AGPAT2: variants seen among roughly 807,000 people sequenced by gnomAD.
AGPAT2 encodes the protein 1-acyl-sn-glycerol-3-phosphate acyltransferase beta.
AGPAT2 carries 18 observed loss-of-function variants against 26.1 expected under a neutral mutation model. That is an observed-to-expected ratio of 0.69 (90% CI 0.48 to 1.02). AGPAT2 has a LOEUF of 1.02. Among genes scored for constraint, AGPAT2 ranks in the 50% least tolerant of loss-of-function variants. AGPAT2 has a pLI of 0.00. For synonymous variants in AGPAT2, 200 were observed against 174.2 expected (o/e 1.15, Z -1.16); for missense variants, 415 against 394.9 (o/e 1.05, Z -0.43).
rs886063719 is a variant in AGPAT2, at chr9:136,673,398, G to A, written c.*354C>T. The A allele has an allele frequency of 6.6e-5, 13 of 198,354 alleles. No individual in the cohort carries two copies. The highest frequency in any genetic ancestry group is 1.7e-3 in the Middle Eastern group (1 of 572). 12.3% of individuals were successfully genotyped at this position (198,354 alleles called of 1,614,324 possible). A position where few individuals can be genotyped will look rare whatever the true frequency, so the allele number is the denominator to read the frequency against. ...TGAGCAGAGGGCTCGGACAGTGTGC[G>A]TCTGGCCTCGGGGTCCTCCCATCTG... On this transcript the variant is annotated 3_prime_UTR_variant, in exon 6 of 6. Coordinates refer to ENST00000371696, the MANE Select transcript of AGPAT2 (RefSeq NM_006412.4).
intron 1 of AGPAT2, among the ~76,000 whole-genome samples, chr9:136,683,603 G>A (rs534427792): frequency 1.6e-4 from 25 of 152,334 alleles, no homozygotes; most frequent in African/African-American, 4.8e-4. Context: ...ATAGGGGTGC[G>A]GGGTCCAGCC....
Position 136,676,609 on chromosome 9 carries a change from G to A in AGPAT2, c.564C>T (p.Ala188=), listed in dbSNP as rs764528984. 2.5e-6 allele frequency: 4 copies of A among 1,613,456 alleles called. No individual in the cohort carries two copies. Among genetic ancestry groups the A allele is most frequent in the Non-Finnish European group, 2.5e-6 (3 of 1,179,874 alleles). ...CCTGTGCCTGGACTGCCAGGTAGAA[G>A]GCGCCCTTCTTAAAAGGCAGCAGGT... The part of the protein sequence containing the change: ...NGDLLPFKKG[A]FYLAVQAQVP... Residue 188 remains alanine, a synonymous_variant, in exon 4 of 6, where the codon GCC becomes GCT. Coordinates refer to ENST00000371696, the MANE Select transcript of AGPAT2 (RefSeq NM_006412.4).
In AGPAT2 at chr9:136,676,699, C is replaced by A. The variant is rs779876104; in HGVS notation, c.493-19G>T. The stretch of plus-strand genomic sequence containing the variant: ...CTTTGAGCTGCAGGGAGAGGAGAGC[C>A]TGGACTGACCTCACGCCCAGGCCAC... On this transcript the variant is annotated intron_variant, in intron 3 of 5. Coordinates refer to ENST00000371696, the MANE Select transcript of AGPAT2 (RefSeq NM_006412.4). 5.6e-6 allele frequency: 9 copies of A among 1,609,662 alleles called. No homozygotes were observed. The highest frequency in any genetic ancestry group is 6.8e-6 in the Non-Finnish European group (8 of 1,176,814).
chr9:136,675,667 C>A (rs1049304151), intron 4 of AGPAT2, among the ~76,000 whole-genome samples: 1 of 152,090 alleles, frequency 6.6e-6, no homozygotes, highest in Non-Finnish European at 1.5e-5. Flanking sequence ...CCATCACAGC[C>A]GCCCGTCTCC....
chr9:136,674,741 T>G lies in AGPAT2; in HGVS notation c.655A>C (p.Thr219Pro). 1.3e-6 allele frequency: 2 copies of G among 1,498,886 alleles called. No individual in the cohort carries two copies. Among genetic ancestry groups the G allele is most frequent in the South Asian group, 1.4e-5 (1 of 74,028 alleles). 92.8% of individuals were successfully genotyped at this position (1,498,886 alleles called of 1,614,324 possible). Residue 219 changes from threonine (T) to proline (P), a missense_variant, in exon 5 of 6, where the codon ACT (threonine) becomes CCT (proline). Transcript: ENST00000371696. ...TGCACACATGTGGGGGTACCTGAAG[T>G]GAAGAACTTCTTCTTGGTGTTGTAG... ...SFYNTKKKFF[T>P]SGTVTVQVLE...
At chr9:136,676,395 G>C (rs1185574278) in intron 4 of AGPAT2, among the ~76,000 whole-genome samples, 190 bp downstream of exon 4, 2 of 152,254 alleles carry the variant, frequency 1.3e-5, no homozygotes, top group Non-Finnish European at 2.9e-5. Flanking sequence ...AGGCCCAAGG[G>C]GCTGCCCTCC....
intron 1 of AGPAT2, among the ~76,000 whole-genome samples, chr9:136,683,657 G>C (rs1456327320): frequency 6.6e-6 from 1 of 152,356 alleles, no homozygotes; most frequent in South Asian, 2.1e-4. Flanking sequence ...ACTCCTCAAA[G>C]CGGATGTGTA....
chr9:136,687,380 C>G lies in AGPAT2; in HGVS notation c.-23G>C. ...CATGGCCCGGCCCGGCGCCCGACGG[C>G]GCCGCCAGCTCGCTCCCGCTCCCGC... is the stretch of plus-strand genomic sequence containing the variant. On this transcript the variant is annotated 5_prime_UTR_variant, in exon 1 of 6. Transcript: ENST00000371696. The G allele has an allele frequency of 6.9e-7, 1 of 1,439,984 alleles. No homozygotes were observed. Among genetic ancestry groups the G allele is most frequent in the Non-Finnish European group, 9.1e-7 (1 of 1,103,594 alleles). 89.2% of individuals were successfully genotyped at this position (1,439,984 alleles called of 1,614,324 possible).
chr9:136,685,935 C>CGTCAGCGCCA (rs1212339213), intron 1 of AGPAT2, among the ~76,000 whole-genome samples: 1 of 152,222 alleles, frequency 6.6e-6, no homozygotes, highest in Non-Finnish European at 1.5e-5. Context: ...CCACTGGGGA[C>CGTCAGCGCCA]GTCAGCGCCA....
At position 136,677,000 on chromosome 9, in the gene AGPAT2, T is replaced by C. The variant is rs886063721; in HGVS notation, c.453A>G (p.Thr151=). 4 of 1,465,806 alleles carry C rather than the reference T, an allele frequency of 2.7e-6. No individual in the cohort carries two copies. The highest frequency in any genetic ancestry group is 6.2e-5 in the East Asian group (2 of 32,320). The allele number at this position is 1,465,806 out of a possible 1,614,324, so 90.8% of individuals were successfully genotyped here. ...INRQRSSTAM[T]VMADLGERMV... The stretch of plus-strand genomic sequence containing the variant: ...TGCGCTCGCCCAGGTCGGCCATCAC[T>C]GTCATGGCAGTGCTAGAGCGCTGCC... The change falls in exon 3 of 6, where the codon ACA becomes ACG. Residue 151 remains threonine, a synonymous_variant. Transcript: ENST00000371696.
chr9:136,675,124 G>A lies in AGPAT2; in HGVS notation c.589-317C>T, dbSNP rs2297533. Among the ~76,000 whole-genome samples, 520 of 152,262 alleles carry A rather than the reference G, an allele frequency of 3.4e-3. 5 individuals are homozygous for A. The East Asian group carries it at 0.05, about 15-fold the overall frequency. On this transcript the variant is annotated intron_variant, in intron 4 of 5. Transcript: ENST00000371696. ...TAGCCAGGGGGGCAGGGCCCTGTCC[G>A]GTTTAGGAGGAGATTATGGCACTCT...
intron 1 of AGPAT2, among the ~76,000 whole-genome samples, chr9:136,684,284 C>T (rs994258661): frequency 3.3e-5 from 5 of 152,232 alleles, no homozygotes; most frequent in South Asian, 2.1e-4. Flanking sequence ...CTGTAGGACA[C>T]GGAGCCGCTC....
At chr9:136,682,157 G>A (rs990985168) in intron 1 of AGPAT2, among the ~76,000 whole-genome samples, 9 of 152,166 alleles carry the variant, frequency 5.9e-5, no homozygotes, top group African/African-American at 7.2e-5. Flanking sequence ...TGGCAGAGTC[G>A]TGCTGGGGCG....
At chr9:136,681,513 C>T (rs551340836) in intron 1 of AGPAT2, among the ~76,000 whole-genome samples, 3 of 152,288 alleles carry the variant, frequency 2.0e-5, no homozygotes, top group Non-Finnish European at 2.9e-5. Flanking sequence ...ACTTTACAAG[C>T]GGTTCCTGGA....
Position 136,687,250 on chromosome 9 carries a change from C to A in AGPAT2, c.108G>T (p.Leu36=). The change falls in exon 1 of 6, where the codon CTG becomes CTT. Residue 36 remains leucine (L), a synonymous_variant. Transcript: ENST00000371696. ...AGGCCACGGCGGACACCGTGAAGCA[C>A]AGCGCGCAGTACAGGGCGACCTTGG... ...FYAKVALYCA[L]CFTVSAVASL... The A allele has an allele frequency of 6.3e-7, 1 of 1,595,564 alleles. No homozygotes were observed.
intron 1 of AGPAT2, among the ~76,000 whole-genome samples, chr9:136,684,677 A>C (rs145886326): frequency 6.6e-6 from 1 of 152,190 alleles, no homozygotes; most frequent in Non-Finnish European, 1.5e-5. Context: ...GCTGGGAACA[A>C]GGGGAAAGGG....
In AGPAT2 at chr9:136,687,137, G is replaced by A. The variant is rs781027044; in HGVS notation, c.182+39C>T. ...AAAGTTAGGGAAGCGGAAGCGGCGC[G>A]GCGGTTCCCCGGCCCCTCCCGGCGG... is the stretch of plus-strand genomic sequence containing the variant. On this transcript the variant is annotated intron_variant, in intron 1 of 5. Transcript: ENST00000371696. 6.7e-5 allele frequency: 105 copies of A among 1,557,764 alleles called. 1 individual carries two copies. In the East Asian group the frequency reaches 1.1e-3, roughly 16 times the overall value.
chr9:136,684,029 C>T (rs1019715923), intron 1 of AGPAT2, among the ~76,000 whole-genome samples: 1 of 152,238 alleles, frequency 6.6e-6, no homozygotes. Flanking sequence ...GCCACAACCA[C>T]TAGGTCCCGG....
At chr9:136,677,346 C>T (rs770354596) in intron 2 of AGPAT2, 77 bp downstream of exon 2, 86 of 1,605,514 alleles carry the variant, frequency 5.4e-5, no homozygotes, top group Non-Finnish European at 6.6e-5. Context: ...TCCTCGTCCC[C>T]GGGACCCAGC....
Sources: allele counts gnomAD v4.1 joint callset (sites outside exome capture counted in the v4.1 genomes callset), GRCh38; gene constraint gnomAD v4.1.1; transcripts MANE v1.5; gene names NCBI Gene and HGNC (gene_info 2026-07-23, HGNC 2026-07-21).